The following ATP6V1E1 variants were observed in gnomAD, a reference collection of about 807,000 sequenced individuals.
ATP6V1E1 encodes V-type proton ATPase subunit E 1.
A neutral mutation model predicts 35.2 loss-of-function variants in ATP6V1E1; 21 were observed. That is an observed-to-expected ratio of 0.60 (90% confidence interval 0.42 to 0.86). The LOEUF (loss-of-function observed/expected upper bound fraction) is 0.86. ATP6V1E1 is among the 40% of genes least tolerant of loss of function. The pLI is 0.00. For missense variants in ATP6V1E1, 183 were observed against 272.6 expected (o/e 0.67, Z 2.32); for synonymous variants, 83 against 87.8 (o/e 0.95, Z 0.30).
intron 2 of ATP6V1E1, 36 bp downstream of exon 2, chr22:17,619,425 C>T: frequency 1.9e-6 from 3 of 1,553,640 alleles, no homozygotes; most frequent in Non-Finnish European, 2.6e-6. Flanking sequence ...ATATGGAAAC[C>T]TTGATAACTT....
chr22:17,601,016 G>A (rs918709711), intron 5 of ATP6V1E1, 76 bp downstream of exon 5: 70 of 1,181,368 alleles, frequency 5.9e-5, no homozygotes, highest in Non-Finnish European at 7.9e-5. Context: ...GGAAAAAATA[G>A]AGCTGGTCTC....
intron 1 of ATP6V1E1, among the ~76,000 whole-genome samples, chr22:17,626,069 G>C (rs1267991006): frequency 6.6e-6 from 1 of 151,908 alleles, no homozygotes; most frequent in Non-Finnish European, 1.5e-5. Context: ...CACTTTGGGA[G>C]GCCGAGGTGG....
Position 17,599,898 on chromosome 22 carries a change from C to A in ATP6V1E1, c.435+129G>T. 4.0e-6 allele frequency: 3 copies of A among 748,030 alleles called. No individual in the cohort carries two copies. In the South Asian group the frequency reaches 5.6e-5, roughly 14 times the overall value. The allele number at this position is 748,030 out of a possible 1,614,324, so 46.3% of individuals were successfully genotyped here. On this transcript the variant is annotated intron_variant, in intron 6 of 8. Coordinates refer to ENST00000253413, the MANE Select transcript of ATP6V1E1 (RefSeq NM_001696.4). The stretch of plus-strand genomic sequence containing the variant: ...TGGAGATCCCGCCATTGCACTCCAT[C>A]CTGGACAACAGAGTGAGACTCCACC...
intron 1 of ATP6V1E1, among the ~76,000 whole-genome samples, chr22:17,621,243 G>A (rs189035015): frequency 6.6e-6 from 1 of 152,068 alleles, no homozygotes; most frequent in Non-Finnish European, 1.5e-5. Context: ...CTTTCAAAAT[G>A]CCTATCTTAT....
chr22:17,601,322 C>T (rs1398942853), intron 4 of ATP6V1E1, 141 bp from the exon 5 acceptor site: 1 of 652,680 alleles, frequency 1.5e-6, no homozygotes, highest in African/African-American at 1.8e-5. Flanking sequence ...TCCCTGAGAT[C>T]TGAGATAAAG....
At chr22:17,627,667 C>A (rs1043441296) in intron 1 of ATP6V1E1, among the ~76,000 whole-genome samples, 3 of 150,288 alleles carry the variant, frequency 2.0e-5, no homozygotes, top group Non-Finnish European at 3.0e-5. Flanking sequence ...AAAAAAAATA[C>A]AAAAATTAGC....
At chr22:17,593,832 T>C (rs1331853170) in intron 8 of ATP6V1E1, among the ~76,000 whole-genome samples, 1 of 152,248 alleles carries the variant, frequency 6.6e-6, no homozygotes, top group Non-Finnish European at 1.5e-5. Context: ...GGAATTTTCC[T>C]GGCTTGTTTC....
chr22:17,612,594 T>C (rs2146308317), intron 4 of ATP6V1E1: 1 of 502,690 alleles, frequency 2.0e-6, no homozygotes, highest in East Asian at 3.5e-5. Context: ...CCATAGTGTG[T>C]GCTATAATCC....
chr22:17,625,723 C>G (rs1207623302), intron 1 of ATP6V1E1, among the ~76,000 whole-genome samples: 1 of 152,186 alleles, frequency 6.6e-6, no homozygotes, highest in Non-Finnish European at 1.5e-5. Flanking sequence ...ACTTCCTTCT[C>G]TGAAAAATCT....
intron 8 of ATP6V1E1, 65 bp from the exon 9 acceptor site, chr22:17,592,801 T>TTC: frequency 6.9e-6 from 1 of 145,080 alleles, no homozygotes; most frequent in African/African-American, 1.3e-4. Context: ...GCTGCACATC[T>TTC]TTTTTTTTTT....
intron 1 of ATP6V1E1, among the ~76,000 whole-genome samples, chr22:17,620,829 C>T (rs1304827557): frequency 1.3e-5 from 2 of 152,096 alleles, no homozygotes; most frequent in Admixed American, 6.6e-5. Flanking sequence ...TTTGGGAGGC[C>T]GAGGCGGGCG....
intron 4 of ATP6V1E1, among the ~76,000 whole-genome samples, chr22:17,610,634 A>T (rs1316950902): frequency 1.3e-5 from 2 of 152,246 alleles, no homozygotes; most frequent in Non-Finnish European, 2.9e-5. Context: ...TGCTGCCAAG[A>T]CATTAACATT....
intron 1 of ATP6V1E1, 29 bp from the exon 2 acceptor site, chr22:17,619,555 G>A: frequency 6.7e-7 from 1 of 1,498,380 alleles, no homozygotes. Flanking sequence ...TTATTTTTTA[G>A]TTCAAAAATA....
Position 17,592,697 on chromosome 22 carries a change from C to CA in ATP6V1E1, c.657dup (p.Ala220CysfsTer37). The CA allele has an allele frequency of 6.2e-7, 1 of 1,613,978 alleles. No individual in the cohort carries two copies. Among genetic ancestry groups the CA allele is most frequent in the Non-Finnish European group, 8.5e-7 (1 of 1,179,920 alleles). On this transcript the variant is annotated frameshift_variant, in exon 9 of 9. Coordinates refer to ENST00000253413, the MANE Select transcript of ATP6V1E1 (RefSeq NM_001696.4). LOFTEE classifies it high-confidence loss of function. ...GCTTAGTCCAAAAACTTCCTGTTGG[C>CA]ATTTGCACCAAACAAGGCTCCCCGG... is the stretch of plus-strand genomic sequence containing the variant.
At chr22:17,628,451 C>G in intron 1 of ATP6V1E1, 152 bp downstream of exon 1, 2 of 1,109,372 alleles carry the variant, frequency 1.8e-6, no homozygotes, top group Non-Finnish European at 2.7e-6. Flanking sequence ...AATCTCCGTC[C>G]TCAGGCCGAC....
At chr22:17,615,101 G>C (rs954117027) in intron 2 of ATP6V1E1, among the ~76,000 whole-genome samples, 4 of 151,738 alleles carry the variant, frequency 2.6e-5, no homozygotes, top group African/African-American at 9.7e-5. Context: ...GGGAGTTCAA[G>C]ACCAGCCTGG....
intron 1 of ATP6V1E1, among the ~76,000 whole-genome samples, chr22:17,626,320 A>G (rs2057904724): frequency 6.8e-6 from 1 of 148,052 alleles, no homozygotes; most frequent in Admixed American, 6.8e-5. Flanking sequence ...AAAAAAAAAA[A>G]AAAAAAAAGA....
At chr22:17,623,732 T>C (rs895225855) in intron 1 of ATP6V1E1, among the ~76,000 whole-genome samples, 1 of 152,072 alleles carries the variant, frequency 6.6e-6, no homozygotes, top group Non-Finnish European at 1.5e-5. Context: ...GTTTGGCCTC[T>C]AAAGGTGAAC....
In ATP6V1E1 at chr22:17,592,734, C is replaced by T; in HGVS notation, c.621G>A (p.Met207Ile). 1 of 1,609,974 alleles carries T rather than the reference C, an allele frequency of 6.2e-7. No homozygotes were observed. Among genetic ancestry groups the T allele is most frequent in the South Asian group, 1.1e-5 (1 of 91,020 alleles). ...ESRLDLIAQQMMPEVRGALFG... is the reference protein window; with the variant it reads ...ESRLDLIAQQIMPEVRGALFG... Reference sequence around the variant, plus strand: ...ACAAGGCTCCCCGGACTTCTGGCATCATCTGTGGAGAGAAAGTGTAATAAA... The same window carrying T: ...ACAAGGCTCCCCGGACTTCTGGCATTATCTGTGGAGAGAAAGTGTAATAAA... Residue 207 changes from methionine to isoleucine, a missense_variant and splice_region_variant, in exon 9 of 9, where the codon ATG (methionine) becomes ATA (isoleucine). Physicochemically the swap from Met to Ile is conservative, Grantham distance 10. Coordinates refer to ENST00000253413, the MANE Select transcript of ATP6V1E1 (RefSeq NM_001696.4).
Sources: gnomAD v4.1 joint callset for allele counts (sites outside exome capture counted in the v4.1 genomes callset) on GRCh38, gnomAD v4.1.1 for gene constraint, MANE v1.5 for transcripts, NCBI Gene and HGNC (gene_info 2026-07-23, HGNC 2026-07-21) for gene names.